IMPG1: variants seen among roughly 807,000 people sequenced by gnomAD.
IMPG1 encodes the protein interphotoreceptor matrix proteoglycan of 150 kDa.
Under a neutral mutation model 92.0 loss-of-function variants are expected in IMPG1, and 85 were observed. The ratio of observed to expected loss-of-function variants is 0.92; its 90% CI spans 0.78 to 1.11. The LOEUF is 1.11. Among genes scored for constraint, IMPG1 ranks in the 50% least tolerant of loss-of-function variants. The pLI is 0.00. For synonymous variants in IMPG1, 367 were observed against 334.1 expected, an observed-to-expected ratio of 1.10 and a Z score of -1.08; for missense variants, 1,022 against 956.0, an observed-to-expected ratio of 1.07 and a Z score of -0.91.
intron 12 of IMPG1, among the ~76,000 whole-genome samples, chr6:75,975,793 C>G (rs1004358044): frequency 6.6e-6 from 1 of 152,162 alleles, no homozygotes; most frequent in Non-Finnish European, 1.5e-5. Flanking sequence ...ACCATGTGCT[C>G]TCTATTGCAA....
chr6:75,987,883 G>A (rs984726588), intron 12 of IMPG1, among the ~76,000 whole-genome samples: 2 of 152,028 alleles, frequency 1.3e-5, no homozygotes, highest in Admixed American at 6.6e-5. Context: ...TCCTGACCTC[G>A]TGATCCACCC....
rs553904825 is a variant in IMPG1 at position 75,987,471 on chromosome 6, C to T, written c.1291+15447G>A. 8.0e-5 allele frequency among the ~76,000 whole-genome samples: 12 copies of T among 149,246 alleles called. No individual in the cohort carries two copies. The East Asian group carries it at 2.4e-3, about 29-fold the overall frequency. ...CCTCCCCCTCCCCCCTGCCCCCACCCCACCACAGGCTCCGGTGTGTGATGT... is the reference window on the plus strand; with the variant it reads ...CCTCCCCCTCCCCCCTGCCCCCACCTCACCACAGGCTCCGGTGTGTGATGT... On this transcript the variant is annotated intron_variant, in intron 12 of 16. Coordinates refer to ENST00000369950, the MANE Select transcript of IMPG1 (RefSeq NM_001563.4).
chr6:75,979,434 A>G (rs1782593224), intron 12 of IMPG1, among the ~76,000 whole-genome samples: 1 of 152,214 alleles, frequency 6.6e-6, no homozygotes, highest in Admixed American at 6.5e-5. Flanking sequence ...CTTGTTGCAC[A>G]GGACAATGGC....
In IMPG1 at chr6:76,026,125, C is replaced by G. The variant is rs182141081; in HGVS notation, c.498-867G>C. ...TAGCAGGGACTCTGTGCGGGAAGCA[C>G]TCTAGCAGGGACTCTGCGCTAGCAA... On this transcript the variant is annotated intron_variant, in intron 4 of 16. Coordinates refer to ENST00000369950, the MANE Select transcript of IMPG1 (RefSeq NM_001563.4). Among the ~76,000 whole-genome samples, 39 of 151,720 alleles carry G rather than the reference C, an allele frequency of 2.6e-4. 1 individual carries two copies. The East Asian group carries it at 6.6e-3, about 26-fold the overall frequency.
intron 15 of IMPG1, among the ~76,000 whole-genome samples, chr6:75,924,383 G>A: frequency 8.5e-6 from 1 of 117,914 alleles, no homozygotes; most frequent in Non-Finnish European, 1.7e-5. Context: ...TGATATATAT[G>A]TATTACATAT....
chr6:75,997,479 T>C (rs538077187), intron 12 of IMPG1, among the ~76,000 whole-genome samples: 53 of 152,236 alleles, frequency 3.5e-4, no homozygotes, highest in Non-Finnish European at 6.3e-4. Flanking sequence ...TTTCTTTCCC[T>C]GCATACCTAC....
At chr6:76,040,767 TGTTA>T (rs1266985968) in intron 2 of IMPG1, among the ~76,000 whole-genome samples, 2 of 152,242 alleles carry the variant, frequency 1.3e-5, no homozygotes, top group Non-Finnish European at 2.9e-5. Context: ...TTTTTGAAAC[TGTTA>T]GTTAATTATG....
At chr6:75,958,724 C>A (rs937305976) in intron 12 of IMPG1, among the ~76,000 whole-genome samples, 1 of 152,080 alleles carries the variant, frequency 6.6e-6, no homozygotes, top group African/African-American at 2.4e-5. Context: ...CCGGCTCCAT[C>A]AGGTCATTTA....
At chr6:76,052,873 G>A (rs1293677737) in intron 1 of IMPG1, among the ~76,000 whole-genome samples, 4 of 152,140 alleles carry the variant, frequency 2.6e-5, no homozygotes, top group Non-Finnish European at 4.4e-5. Context: ...GTGAAACTGA[G>A]GTAAGAACAG....
chr6:76,001,295 A>G (rs1782984393), intron 12 of IMPG1, among the ~76,000 whole-genome samples: 1 of 152,264 alleles, frequency 6.6e-6, no homozygotes, highest in Non-Finnish European at 1.5e-5. Context: ...CTTAAGATCA[A>G]TCATTTCATG....
In IMPG1 at chr6:75,969,690, G is replaced by A. The variant is rs768417082; in HGVS notation, c.1292-18596C>T. Reference sequence around the variant, plus strand: ...AGAGGCTGCAGTGAACTAAGATCACGCCACAGTACTCCAGCCTGGGTGACA... The same window carrying A: ...AGAGGCTGCAGTGAACTAAGATCACACCACAGTACTCCAGCCTGGGTGACA... On this transcript the variant is annotated intron_variant, in intron 12 of 16. Coordinates refer to ENST00000369950, the MANE Select transcript of IMPG1 (RefSeq NM_001563.4). 1.1e-4 allele frequency among the ~76,000 whole-genome samples: 16 copies of A among 151,924 alleles called. 1 individual carries two copies. The highest frequency in any genetic ancestry group is 5.8e-4 in the East Asian group (3 of 5,172).
intron 4 of IMPG1, 114 bp from the exon 5 acceptor site, chr6:76,025,372 T>C (rs572807734): frequency 1.9e-5 from 10 of 515,166 alleles, no homozygotes; most frequent in South Asian, 1.0e-4. Flanking sequence ...AGGAAAAGCA[T>C]ACTTTAAAAC....
At chr6:76,050,702 C>A (rs2127596061) in intron 1 of IMPG1, among the ~76,000 whole-genome samples, 1 of 152,254 alleles carries the variant, frequency 6.6e-6, no homozygotes, top group Middle Eastern at 3.4e-3. Context: ...CTCAGCTTTG[C>A]CCACAAGTCA....
rs60104742 is a variant in IMPG1, at chr6:76,029,438, G to T, written c.498-4180C>A. 0.012 allele frequency among the ~76,000 whole-genome samples: 1,801 copies of T among 152,268 alleles called. 124 individuals are homozygous for T. The East Asian group carries it at 0.22, about 18-fold the overall frequency. ...AACAACTCAGTCCTATTATGATTTT[G>T]TTTTTAACAAAAATGAGGACTGGAG... On this transcript the variant is annotated intron_variant, in intron 4 of 16. Transcript: ENST00000369950.
intron 9 of IMPG1, among the ~76,000 whole-genome samples, chr6:76,007,198 A>G (rs1783112849): frequency 6.6e-6 from 1 of 152,196 alleles, no homozygotes; most frequent in South Asian, 2.1e-4. Flanking sequence ...CAGCACAGAT[A>G]GTGTTTTTAT....
chr6:75,928,292 T>A (rs576375639), intron 15 of IMPG1, among the ~76,000 whole-genome samples: 3 of 151,704 alleles, frequency 2.0e-5, no homozygotes, highest in Non-Finnish European at 4.4e-5. Flanking sequence ...CTCCACCTCC[T>A]GGGTTCAAGT....
At chr6:75,991,864 C>T (rs542910302) in intron 12 of IMPG1, among the ~76,000 whole-genome samples, 1 of 152,314 alleles carries the variant, frequency 6.6e-6, no homozygotes, top group African/African-American at 2.4e-5. Flanking sequence ...ATGGTACTGA[C>T]ATAACGTATA....
chr6:75,967,103 G>A (rs373309578), intron 12 of IMPG1, among the ~76,000 whole-genome samples: 14 of 152,032 alleles, frequency 9.2e-5, no homozygotes, highest in African/African-American at 3.1e-4. Flanking sequence ...CACTTGAACC[G>A]GAAGGTGGAG....
chr6:76,050,793 T>C (rs1012057594), intron 1 of IMPG1, among the ~76,000 whole-genome samples: 1 of 151,956 alleles, frequency 6.6e-6, no homozygotes, highest in African/African-American at 2.4e-5. Context: ...CTAGAGGAAA[T>C]TTTTTTTAGC....
Sources: allele counts gnomAD v4.1 joint callset (sites outside exome capture counted in the v4.1 genomes callset), GRCh38; gene constraint gnomAD v4.1.1; transcripts MANE v1.5; gene names NCBI Gene and HGNC (gene_info 2026-07-23, HGNC 2026-07-21).